Variants in TRIO observed in about 807,000 individuals in gnomAD.
TRIO encodes triple functional domain protein.
TRIO carries 58 observed loss-of-function variants against 351.9 expected under a neutral mutation model. The observed-to-expected ratio is 0.16, with a 90% CI of 0.13 to 0.21. The LOEUF (loss-of-function observed/expected upper bound fraction) is 0.21, where lower values mean the gene tolerates loss of function less well. TRIO is among the 10% of genes least tolerant of loss of function. The probability of loss-of-function intolerance (pLI) is 1.00; values close to 1 mark genes in which losing one functional copy is unlikely to be tolerated. For synonymous variants in TRIO, 1,758 were observed against 1,595.7 expected (o/e 1.10, Z -2.42); for missense variants, 3,201 against 4,027.8 (o/e 0.79, Z 5.56).
intron 54 of TRIO, among the ~76,000 whole-genome samples, chr5:14,503,212 C>T (rs1757419191): frequency 6.6e-6 from 1 of 152,202 alleles, no homozygotes; most frequent in Non-Finnish European, 1.5e-5. Context: ...GTGTTGTGTC[C>T]CATGTGGCAG....
rs542523871 is a variant in TRIO at position 14,453,265 on chromosome 5, A to T, written c.5204-7754A>T. Among the ~76,000 whole-genome samples, 42 of 152,282 alleles carry T rather than the reference A, an allele frequency of 2.8e-4. 1 individual carries two copies. In the South Asian group the frequency reaches 8.3e-3, roughly 30 times the overall value. ...GCACAGCTGAACATCTTTTTAAGTG[A>T]CTGCGATGTGCTGATAGTATCTTGT... On this transcript the variant is annotated intron_variant, in intron 34 of 56. Coordinates refer to ENST00000344204, the MANE Select transcript of TRIO (RefSeq NM_007118.4).
intron 1 of TRIO, among the ~76,000 whole-genome samples, chr5:14,202,036 G>A (rs1029150785): frequency 2.0e-5 from 3 of 151,024 alleles, no homozygotes; most frequent in South Asian, 2.1e-4. Flanking sequence ...ATTAATGGGC[G>A]CAGCACACCA....
At chr5:14,299,734 T>G (rs1288233551) in intron 7 of TRIO, among the ~76,000 whole-genome samples, 2 of 152,216 alleles carry the variant, frequency 1.3e-5, no homozygotes, top group Non-Finnish European at 2.9e-5. Context: ...TAAGTTAAGT[T>G]TCCATCATAG....
At chr5:14,199,354 A>T (rs954609614) in intron 1 of TRIO, among the ~76,000 whole-genome samples, 16 of 152,226 alleles carry the variant, frequency 1.1e-4, no homozygotes, top group Middle Eastern at 6.3e-3. Context: ...TGGATTATTA[A>T]TGCAGAACTG....
chr5:14,290,252 C>T lies in TRIO; in HGVS notation c.541-464C>T, dbSNP rs567060738. Among the ~76,000 whole-genome samples, 13 of 152,236 alleles carry T rather than the reference C, an allele frequency of 8.5e-5. No homozygotes were observed. In the South Asian group the frequency reaches 1.7e-3, roughly 19 times the overall value. ...AGGGTTTTGATGCCCTTGAGCAAGACGTTTGTGTAATAGCAAGTAGTAGAA... is the reference window on the plus strand; with the variant it reads ...AGGGTTTTGATGCCCTTGAGCAAGATGTTTGTGTAATAGCAAGTAGTAGAA... On this transcript the variant is annotated intron_variant, in intron 4 of 56. Coordinates refer to ENST00000344204, the MANE Select transcript of TRIO (RefSeq NM_007118.4).
intron 8 of TRIO, among the ~76,000 whole-genome samples, chr5:14,305,480 A>G (rs935308238): frequency 2.6e-5 from 4 of 152,244 alleles, no homozygotes; most frequent in South Asian, 4.1e-4. Context: ...AGAAGCATCT[A>G]TATCTACAGT....
At chr5:14,419,675 G>A (rs1749951329) in intron 33 of TRIO, 103 bp from the exon 34 acceptor site, 22 of 1,516,716 alleles carry the variant, frequency 1.5e-5, no homozygotes, top group East Asian at 4.6e-5. Context: ...AGCTCACTCC[G>A]GGGCAGGGTG....
chr5:14,248,244 A>T (rs1581441366), intron 1 of TRIO, among the ~76,000 whole-genome samples: 3 of 152,194 alleles, frequency 2.0e-5, no homozygotes, highest in Non-Finnish European at 4.4e-5. Context: ...TGAAGGAATC[A>T]TTCTTTAATG....
At chr5:14,191,099 G>A (rs1289505308) in intron 1 of TRIO, among the ~76,000 whole-genome samples, 6 of 152,190 alleles carry the variant, frequency 3.9e-5, no homozygotes, top group East Asian at 1.9e-4. Flanking sequence ...ATGGTGGCTC[G>A]CACTGTGTTG....
chr5:14,435,220 A>G (rs1436630592), intron 34 of TRIO, among the ~76,000 whole-genome samples: 1 of 152,160 alleles, frequency 6.6e-6, no homozygotes, highest in Non-Finnish European at 1.5e-5. Context: ...AGGGAAAAAA[A>G]GGGGGAAAGA....
rs764931748 is a variant in TRIO at position 14,290,843 on chromosome 5, A to G, written c.668A>G (p.Tyr223Cys). ...GAAATCAGAGTTGCTTTTGAAGACT[A>G]CATTAGCAATGCCACCCACATGCTG... is the stretch of plus-strand genomic sequence containing the variant. Reference protein sequence around the residue: ...WIEIRVAFEDYISNATHMLSR... With the variant: ...WIEIRVAFEDCISNATHMLSR... The change falls in exon 5 of 57, where the codon TAC becomes TGC. Residue 223 changes from tyrosine (Y) to cysteine (C), a missense_variant. Transcript: ENST00000344204. 2 of 1,614,196 alleles carry G rather than the reference A, an allele frequency of 1.2e-6. No individual in the cohort carries two copies. Among genetic ancestry groups the G allele is most frequent in the South Asian group, 1.1e-5 (1 of 91,078 alleles).
chr5:14,465,619 G>A lies in TRIO; in HGVS notation c.5742G>A (p.Glu1914=). 1 of 1,614,078 alleles carries A rather than the reference G, an allele frequency of 6.2e-7. No homozygotes were observed. ...PSAAELVSAI[E]ELVKSKMALE... is the part of the protein sequence containing the mutation. The stretch of plus-strand genomic sequence containing the variant: ...CAGCCGAGCTCGTCAGTGCAATTGA[G>A]GAACTCGTGAAAAGCAAGATGGTGA... The change falls in exon 37 of 57, where the codon GAG becomes GAA. Residue 1914 remains glutamate, a synonymous_variant. Transcript: ENST00000344204.
chr5:14,220,698 C>G (rs1207060635), intron 1 of TRIO, among the ~76,000 whole-genome samples: 2 of 152,202 alleles, frequency 1.3e-5, no homozygotes, highest in Non-Finnish European at 1.5e-5. Flanking sequence ...CCACAGCATT[C>G]CCTTTAGACA....
intron 6 of TRIO, among the ~76,000 whole-genome samples, chr5:14,295,685 G>T (rs1209559964): frequency 2.0e-5 from 3 of 152,184 alleles, no homozygotes; most frequent in African/African-American, 7.2e-5. Flanking sequence ...TTACTAGGAG[G>T]GAGGAAAAGA....
intron 33 of TRIO, among the ~76,000 whole-genome samples, chr5:14,408,859 T>C (rs2152382276): frequency 1.3e-5 from 2 of 152,100 alleles, no homozygotes; most frequent in East Asian, 3.9e-4. Flanking sequence ...AGTTCAAAAG[T>C]TTATTCTTTT....
intron 26 of TRIO, 99 bp downstream of exon 26, chr5:14,390,399 G>C: frequency 1.9e-6 from 2 of 1,080,968 alleles, no homozygotes; most frequent in South Asian, 1.4e-5. Context: ...ACCATCTTCT[G>C]CTCATATCCA....
At chr5:14,356,432 T>C (rs1040684013) in intron 11 of TRIO, among the ~76,000 whole-genome samples, 1 of 152,230 alleles carries the variant, frequency 6.6e-6, no homozygotes, top group Non-Finnish European at 1.5e-5. Flanking sequence ...TAGTGAGATA[T>C]ACCACTCATT....
intron 48 of TRIO, among the ~76,000 whole-genome samples, chr5:14,490,160 T>C (rs2126649555): frequency 6.6e-6 from 1 of 152,170 alleles, no homozygotes; most frequent in Non-Finnish European, 1.5e-5. Context: ...GCACCTATAG[T>C]CCCAGCTACT....
rs1436691374 is a variant in TRIO, at chr5:14,398,930, T to A, written c.4474T>A (p.Phe1492Ile). ...GGGAGAACTCATCCTACAGGAATCC[T>A]TCCAAGTGTGGGACCCAAAAACCTT... is the stretch of plus-strand genomic sequence containing the variant. The part of the protein sequence containing the change: ...SQGELILQES[F>I]QVWDPKTLIR... Residue 1492 changes from phenylalanine to isoleucine, a missense_variant, in exon 30 of 57, where the codon TTC becomes ATC. Physicochemically the swap from Phe to Ile is conservative, Grantham distance 21. Around this residue, in one of 19 missense-constraint regions of TRIO, gnomAD observed 115 missense variants for 239.6 expected, o/e 0.48. Coordinates refer to ENST00000344204, the MANE Select transcript of TRIO (RefSeq NM_007118.4). 1 of 1,614,238 alleles carries A rather than the reference T, an allele frequency of 6.2e-7. No homozygotes were observed. The highest frequency in any genetic ancestry group is 2.2e-5 in the East Asian group (1 of 44,884).
Sources: gnomAD v4.1 joint callset for allele counts (sites outside exome capture counted in the v4.1 genomes callset) on GRCh38, gnomAD v4.1.1 for gene constraint, gnomAD v4.1.1 regional missense constraint, MANE v1.5 for transcripts, NCBI Gene and HGNC (gene_info 2026-07-23, HGNC 2026-07-21) for gene names.